Variants in CREB5 observed in about 807,000 individuals in gnomAD.
CREB5 encodes the protein cyclic AMP-responsive element-binding protein 5.
A neutral mutation model predicts 57.1 loss-of-function variants in CREB5; 19 were observed. That is an observed-to-expected ratio of 0.33 (90% CI 0.23 to 0.49). CREB5 has a LOEUF of 0.49. Ranked by LOEUF, CREB5 falls within the 20% of genes least tolerant of loss-of-function variation. CREB5 has a pLI of 0.99. For synonymous variants in CREB5, 238 were observed against 238.3 expected, an observed-to-expected ratio of 1.00 and a Z score of 0.01; for missense variants, 579 against 671.6, an observed-to-expected ratio of 0.86 and a Z score of 1.52.
At chr7:28,590,684 A>C (rs1462463289) in intron 5 of CREB5, among the ~76,000 whole-genome samples, 1 of 131,306 alleles carries the variant, frequency 7.6e-6, no homozygotes, top group Non-Finnish European at 1.6e-5. Flanking sequence ...TAATAATAAT[A>C]ATAATAATAA....
intron 7 of CREB5, among the ~76,000 whole-genome samples, chr7:28,740,319 G>A (rs1227262822): frequency 6.6e-6 from 1 of 152,154 alleles, no homozygotes; most frequent in African/African-American, 2.4e-5. Context: ...TTTATTCCCT[G>A]ATTTCTTGGT....
rs563812506 is a variant in CREB5, at chr7:28,356,626, C to G, written c.-25+57185C>G. 5.3e-5 allele frequency among the ~76,000 whole-genome samples: 8 copies of G among 152,294 alleles called. No individual in the cohort carries two copies. In the East Asian group the frequency reaches 1.4e-3, roughly 26 times the overall value. Reference sequence around the variant, plus strand: ...AGTGAGATAAAACCCAAAGGAATCACTTGAATAAGTTCCTTTATGTGTCAT... The same window carrying G: ...AGTGAGATAAAACCCAAAGGAATCAGTTGAATAAGTTCCTTTATGTGTCAT... On this transcript the variant is annotated intron_variant, in intron 1 of 9. Transcript: ENST00000396299.
intron 5 of CREB5, among the ~76,000 whole-genome samples, chr7:28,692,059 G>T (rs1043045318): frequency 4.0e-5 from 6 of 150,896 alleles, no homozygotes; most frequent in African/African-American, 1.5e-4. Flanking sequence ...GGTGGCATGC[G>T]CACGTAGTCC....
intron 5 of CREB5, among the ~76,000 whole-genome samples, chr7:28,610,468 G>A (rs931490124): frequency 6.6e-6 from 1 of 152,102 alleles, no homozygotes; most frequent in East Asian, 1.9e-4. Flanking sequence ...TATATTCACC[G>A]CATACATTCA....
At chr7:28,302,667 C>T (rs1410599784) in intron 1 of CREB5, among the ~76,000 whole-genome samples, 7 of 152,134 alleles carry the variant, frequency 4.6e-5, no homozygotes, top group Non-Finnish European at 8.8e-5. Flanking sequence ...AGGCCATGAA[C>T]GTCCTGCTCA....
chr7:28,520,231 A>G (rs931430556), intron 4 of CREB5, among the ~76,000 whole-genome samples: 16 of 152,316 alleles, frequency 1.1e-4, no homozygotes, highest in African/African-American at 3.6e-4. Context: ...GTTTTTAAAC[A>G]TCAGTTTATA....
chr7:28,724,393 C>G (rs777190791), intron 7 of CREB5, 61 bp downstream of exon 7: 3 of 1,430,886 alleles, frequency 2.1e-6, no homozygotes, highest in Admixed American at 3.6e-5. Context: ...GAATTTTACT[C>G]TGACTCCAAA....
chr7:28,344,974 A>G (rs1291960339), intron 1 of CREB5, among the ~76,000 whole-genome samples: 1 of 152,238 alleles, frequency 6.6e-6, no homozygotes, highest in Non-Finnish European at 1.5e-5. Context: ...ATTGTAAATA[A>G]TTTATGCACC....
intron 1 of CREB5, among the ~76,000 whole-genome samples, chr7:28,457,657 G>A (rs899727394): frequency 1.3e-5 from 2 of 152,186 alleles, no homozygotes; most frequent in East Asian, 3.9e-4. Flanking sequence ...ATGTTTGTAG[G>A]AGACTGGCTT....
chr7:28,619,182 G>A (rs1268936210), intron 5 of CREB5, among the ~76,000 whole-genome samples: 1 of 152,208 alleles, frequency 6.6e-6, no homozygotes, highest in African/African-American at 2.4e-5. Context: ...GAAGAAAGCA[G>A]GCATGGAGAA....
chr7:28,409,553 A>G (rs949951159), upstream of CREB5: 6 of 168,976 alleles, frequency 3.6e-5, no homozygotes, highest in Non-Finnish European at 7.6e-5. The surrounding 1 kb of genome is among the most constrained non-coding windows in gnomAD (Gnocchi z 4.4). Flanking sequence ...AGCAGCCGCG[A>G]GGTTACTTGG....
intron 1 of CREB5, among the ~76,000 whole-genome samples, chr7:28,382,097 TC>T (rs2127996089): frequency 6.6e-6 from 1 of 152,160 alleles, no homozygotes; most frequent in East Asian, 1.9e-4. Context: ...TGGTTGCAAG[TC>T]CCAGAGTCCA....
chr7:28,664,851 C>T (rs41335), intron 5 of CREB5, among the ~76,000 whole-genome samples: 19 of 151,994 alleles, frequency 1.3e-4, no homozygotes, highest in African/African-American at 4.3e-4. Context: ...GAGTTTTAGA[C>T]GTAGTGTATT....
At chr7:28,530,354 A>C (rs1297596541) in intron 4 of CREB5, among the ~76,000 whole-genome samples, 2 of 152,178 alleles carry the variant, frequency 1.3e-5, no homozygotes, top group Non-Finnish European at 2.9e-5. Flanking sequence ...ACTGAGACCT[A>C]GGAAGGGGCC....
At chr7:28,658,655 G>T (rs1442547865) in intron 5 of CREB5, among the ~76,000 whole-genome samples, 1 of 152,118 alleles carries the variant, frequency 6.6e-6, no homozygotes, top group Non-Finnish European at 1.5e-5. Flanking sequence ...CCCACAAGCA[G>T]CTCATGGTGT....
intron 1 of CREB5, among the ~76,000 whole-genome samples, chr7:28,462,101 A>G (rs1458339923): frequency 2.0e-5 from 3 of 152,042 alleles, no homozygotes; most frequent in Non-Finnish European, 2.9e-5. Context: ...CCCGGTAACC[A>G]TTAATCTACT....
At chr7:28,742,515 G>A (rs1390218126) in intron 7 of CREB5, among the ~76,000 whole-genome samples, 1 of 151,672 alleles carries the variant, frequency 6.6e-6, no homozygotes, top group Non-Finnish European at 1.5e-5. Context: ...GCAGTGAGCC[G>A]AGATGGCGCC....
intron 3 of CREB5, among the ~76,000 whole-genome samples, 178 bp from the exon 4 acceptor site, chr7:28,507,438 C>T (rs953013317): frequency 2.0e-5 from 3 of 152,088 alleles, no homozygotes; most frequent in African/African-American, 4.8e-5. Context: ...ATTCCTGCTT[C>T]GGAATTTACG....
intron 1 of CREB5, among the ~76,000 whole-genome samples, chr7:28,404,575 T>C (rs1199680713): frequency 6.6e-6 from 1 of 152,150 alleles, no homozygotes; most frequent in Non-Finnish European, 1.5e-5. Context: ...CAGGCTTCTT[T>C]TATAAAGCAT....
Sources: gnomAD v4.1 joint callset for allele counts (sites outside exome capture counted in the v4.1 genomes callset) on GRCh38, gnomAD v4.1.1 for gene constraint, Gnocchi (gnomAD v3.1) non-coding constraint, MANE v1.5 for transcripts, NCBI Gene and HGNC (gene_info 2026-07-23, HGNC 2026-07-21) for gene names.